Variants in FUT9 observed in about 807,000 individuals in gnomAD.
FUT9 encodes 4-galactosyl-N-acetylglucosaminide 3-alpha-L-fucosyltransferase 9.
FUT9 carries 15 observed loss-of-function variants against 29.7 expected under a neutral mutation model. The observed-to-expected ratio is 0.51, with a 90% CI of 0.34 to 0.78. The LOEUF (loss-of-function observed/expected upper bound fraction) is 0.78, where lower values mean the gene tolerates loss of function less well. FUT9 is among the 30% of genes least tolerant of loss of function. The probability of loss-of-function intolerance (pLI) is 0.01; values close to 1 mark genes in which losing one functional copy is unlikely to be tolerated. For synonymous variants in FUT9, 169 were observed against 153.7 expected, an observed-to-expected ratio of 1.10 and a Z score of -0.74; for missense variants, 319 against 425.4, an observed-to-expected ratio of 0.75 and a Z score of 2.20.
chr6:96,165,521 TA>T (rs67592196), intron 2 of FUT9, among the ~76,000 whole-genome samples: 108,408 of 145,546 alleles, frequency 0.74, 41,670 homozygotes, highest in East Asian at 0.99. Flanking sequence ...AGCCCTAGGT[TA>T]AAAAAAAAAA....
At chr6:96,072,406 T>C (rs1043953087) in intron 1 of FUT9, among the ~76,000 whole-genome samples, 1 of 152,238 alleles carries the variant, frequency 6.6e-6, no homozygotes, top group Admixed American at 6.5e-5. Flanking sequence ...TCTGCATCAC[T>C]TTGTAGATTG....
At chr6:96,197,830 A>T (rs2127990177) in intron 2 of FUT9, among the ~76,000 whole-genome samples, 1 of 152,284 alleles carries the variant, frequency 6.6e-6, no homozygotes, top group Non-Finnish European at 1.5e-5. Flanking sequence ...AAGCTCAGCT[A>T]TCCTGTTCCA....
At position 96,136,751 on chromosome 6, in the gene FUT9, G is replaced by C. The variant is rs538754544; in HGVS notation, c.-9+22624G>C. Among the ~76,000 whole-genome samples, 8 of 152,034 alleles carry C rather than the reference G, an allele frequency of 5.3e-5. No individual in the cohort carries two copies. In the East Asian group the frequency reaches 7.7e-4, roughly 15 times the overall value. Reference sequence around the variant, plus strand: ...GTAGTCATAAGTGTGGTAAAGCTCTGTGTTTGAGAGGGTAGCAGCATTGTG... The same window carrying C: ...GTAGTCATAAGTGTGGTAAAGCTCTCTGTTTGAGAGGGTAGCAGCATTGTG... On this transcript the variant is annotated intron_variant, in intron 2 of 2. Coordinates refer to ENST00000302103, the MANE Select transcript of FUT9 (RefSeq NM_006581.4).
chr6:96,136,645 G>GGAAT (rs1772353543), intron 2 of FUT9, among the ~76,000 whole-genome samples: 1 of 151,856 alleles, frequency 6.6e-6, no homozygotes, highest in Non-Finnish European at 1.5e-5. Flanking sequence ...ATCATGCTTA[G>GGAAT]GAATATCTTC....
At chr6:96,127,777 T>C (rs1195634431) in intron 2 of FUT9, among the ~76,000 whole-genome samples, 1 of 152,104 alleles carries the variant, frequency 6.6e-6, no homozygotes, top group Non-Finnish European at 1.5e-5. Context: ...ATTTCTCTAA[T>C]GTGATGTTGA....
At position 96,212,549 on chromosome 6, in the gene FUT9, T is replaced by C; in HGVS notation, c.*8314T>C. On this transcript the variant is annotated 3_prime_UTR_variant, in exon 3 of 3. Coordinates refer to ENST00000302103, the MANE Select transcript of FUT9 (RefSeq NM_006581.4). The stretch of plus-strand genomic sequence containing the variant: ...TACTTAGAAGGGAAAAAAAAGAACT[T>C]TCAGCTTAATCGGGGTTAAGGGAGT... The C allele has an allele frequency of 5.0e-6, 2 of 401,340 alleles. No individual in the cohort carries two copies. The highest frequency in any genetic ancestry group is 4.5e-5 in the Admixed American group (1 of 22,458). 24.9% of individuals were successfully genotyped at this position (401,340 alleles called of 1,614,324 possible).
intron 1 of FUT9, among the ~76,000 whole-genome samples, chr6:96,087,625 A>G (rs538447858): frequency 6.6e-6 from 1 of 152,238 alleles, no homozygotes; most frequent in East Asian, 1.9e-4. Context: ...TCGGCCTCCC[A>G]AAGTGCTGGA....
intron 2 of FUT9, among the ~76,000 whole-genome samples, chr6:96,131,842 T>C (rs940501312): frequency 2.4e-4 from 37 of 152,078 alleles, no homozygotes; most frequent in African/African-American, 8.7e-4. Context: ...TTCTCTAACA[T>C]GTGGAGAGGA....
At chr6:96,142,128 C>A (rs756717776) in intron 2 of FUT9, among the ~76,000 whole-genome samples, 1 of 152,116 alleles carries the variant, frequency 6.6e-6, no homozygotes, top group Non-Finnish European at 1.5e-5. Context: ...CTAATAATTT[C>A]AGAGGTTGAA....
intron 1 of FUT9, among the ~76,000 whole-genome samples, chr6:96,084,165 T>A (rs1219503236): frequency 6.6e-6 from 1 of 152,060 alleles, no homozygotes; most frequent in African/African-American, 2.4e-5. Context: ...AGAGATAGAC[T>A]AAAGTGACTT....
Position 96,208,152 on chromosome 6 carries a change from T to G in FUT9, c.*3917T>G, listed in dbSNP as rs934081910. On this transcript the variant is annotated 3_prime_UTR_variant, in exon 3 of 3. Transcript: ENST00000302103. The stretch of plus-strand genomic sequence containing the variant: ...ATTTAGGAATTATTTGCGGAGGCTT[T>G]AAATTCTTACCTCCAATTGGAGGTT... The G allele has an allele frequency of 1.2e-5, 2 of 166,956 alleles. No individual in the cohort carries two copies. The highest frequency in any genetic ancestry group is 4.8e-5 in the African/African-American group (2 of 41,442). The allele number at this position is 166,956 out of a possible 1,614,324, so 10.3% of individuals were successfully genotyped here.
intron 1 of FUT9, among the ~76,000 whole-genome samples, chr6:96,049,644 C>T (rs1465033013): frequency 1.3e-5 from 2 of 152,104 alleles, no homozygotes; most frequent in African/African-American, 4.8e-5. Flanking sequence ...CATGTTGGCC[C>T]CAAAATTTAC....
At position 96,185,485 on chromosome 6, in the gene FUT9, G is replaced by A. The variant is rs143058724; in HGVS notation, c.-8-17663G>A. Reference sequence around the variant, plus strand: ...ATTTGTGGCCACAGAGAAAACAGAGGAGCAATGTGTGGGAAGATGGAGGTT... The same window carrying A: ...ATTTGTGGCCACAGAGAAAACAGAGAAGCAATGTGTGGGAAGATGGAGGTT... On this transcript the variant is annotated intron_variant, in intron 2 of 2. Coordinates refer to ENST00000302103, the MANE Select transcript of FUT9 (RefSeq NM_006581.4). Among the ~76,000 whole-genome samples the A allele has an allele frequency of 3.0e-3, 451 of 152,164 alleles. 2 individuals carry two copies. The highest frequency in any genetic ancestry group is 0.011 in the African/African-American group (437 of 41,550).
At chr6:96,106,962 T>C (rs1443111108) in intron 1 of FUT9, among the ~76,000 whole-genome samples, 1 of 152,256 alleles carries the variant, frequency 6.6e-6, no homozygotes, top group East Asian at 1.9e-4. Flanking sequence ...TTTATGTATG[T>C]CTGCCTTCAT....
chr6:96,197,180 CATGCGTTGGACTGTCTAAAGAG>C (rs759319326), intron 2 of FUT9, among the ~76,000 whole-genome samples: 20 of 152,268 alleles, frequency 1.3e-4, no homozygotes, highest in Non-Finnish European at 1.9e-4. Flanking sequence ...TTTAAAAAGA[CATGCGTTGGACTGTCTAAAGAG>C]AAACCCACTG....
intron 2 of FUT9, among the ~76,000 whole-genome samples, chr6:96,189,377 T>TA (rs910580102): frequency 1.3e-5 from 2 of 150,364 alleles, no homozygotes; most frequent in African/African-American, 4.9e-5. Flanking sequence ...TTTTTTTTTT[T>TA]ATCTTATAAG....
intron 1 of FUT9, among the ~76,000 whole-genome samples, chr6:96,052,682 C>G (rs1770691749): frequency 6.6e-6 from 1 of 152,126 alleles, no homozygotes; most frequent in Non-Finnish European, 1.5e-5. Context: ...CTTGGCTTCA[C>G]TACAGATACT....
intron 2 of FUT9, among the ~76,000 whole-genome samples, chr6:96,190,793 T>A (rs1194407389): frequency 6.6e-6 from 1 of 152,188 alleles, no homozygotes; most frequent in Admixed American, 6.6e-5. Context: ...CTGGTTATTC[T>A]AGTTAGCCAT....
intron 1 of FUT9, among the ~76,000 whole-genome samples, chr6:96,035,310 G>A (rs868515666): frequency 2.6e-5 from 4 of 151,224 alleles, no homozygotes; most frequent in African/African-American, 9.7e-5. Flanking sequence ...TTATTGGTAT[G>A]ACAAAAAAGT....
Sources: gnomAD v4.1 joint callset for allele counts (sites outside exome capture counted in the v4.1 genomes callset) on GRCh38, gnomAD v4.1.1 for gene constraint, MANE v1.5 for transcripts, NCBI Gene and HGNC (gene_info 2026-07-23, HGNC 2026-07-21) for gene names.